The following UBE2K variants were observed in gnomAD, a reference collection of about 807,000 sequenced individuals.
The protein encoded by UBE2K is ubiquitin-conjugating enzyme E2 K.
Under a neutral mutation model 30.0 loss-of-function variants are expected in UBE2K, and 6 were observed. The ratio of observed to expected loss-of-function variants is 0.20; its 90% CI spans 0.11 to 0.39. UBE2K has a LOEUF of 0.39. Ranked by LOEUF, UBE2K falls within the 10% of genes least tolerant of loss-of-function variation. The probability of loss-of-function intolerance (pLI) is 1.00; values close to 1 mark genes in which losing one functional copy is unlikely to be tolerated. For synonymous variants in UBE2K, 86 were observed against 83.7 expected (o/e 1.03, Z -0.15); for missense variants, 61 against 241.6 (o/e 0.25, Z 4.96).
intron 1 of UBE2K, among the ~76,000 whole-genome samples, chr4:39,705,948 C>G (rs302932): frequency 0.17 from 25,176 of 146,394 alleles, 4,027 homozygotes; most frequent in African/African-American, 0.46. Context: ...CTCCCAGGTT[C>G]AACCAATACC....
At chr4:39,759,697 A>G (rs1218355240) in intron 4 of UBE2K, among the ~76,000 whole-genome samples, 1 of 152,202 alleles carries the variant, frequency 6.6e-6, no homozygotes, top group Non-Finnish European at 1.5e-5. Flanking sequence ...AGAAAATGGC[A>G]ACACATAAAA....
At chr4:39,775,046 G>A in intron 5 of UBE2K, 113 bp downstream of exon 5, 2 of 531,694 alleles carry the variant, frequency 3.8e-6, no homozygotes, top group Non-Finnish European at 3.0e-6. Flanking sequence ...ATTTTGAAAT[G>A]GTTTTCTTTC....
intron 4 of UBE2K, among the ~76,000 whole-genome samples, chr4:39,772,744 A>G (rs534123368): frequency 2.6e-5 from 4 of 151,438 alleles, no homozygotes; most frequent in Admixed American, 6.6e-5. Context: ...CTAGAGTGCA[A>G]TGGCATGATT....
At chr4:39,755,260 C>T (rs1321161463) in intron 3 of UBE2K, among the ~76,000 whole-genome samples, 1 of 152,144 alleles carries the variant, frequency 6.6e-6, no homozygotes, top group Non-Finnish European at 1.5e-5. Flanking sequence ...CTTTTTTCCT[C>T]AAACCTATTC....
At position 39,750,529 on chromosome 4, in the gene UBE2K, C is replaced by T. The variant is rs985255080; in HGVS notation, c.216+4719C>T. Among the ~76,000 whole-genome samples, 9 of 152,104 alleles carry T rather than the reference C, an allele frequency of 5.9e-5. No homozygotes were observed. The South Asian group carries it at 1.2e-3, about 21-fold the overall frequency. Reference sequence around the variant, plus strand: ...CTGAAGTTCCCAGACAACGCTACTACTAGTTTTGTATATAAAAATAAGGAG... The same window carrying T: ...CTGAAGTTCCCAGACAACGCTACTATTAGTTTTGTATATAAAAATAAGGAG... On this transcript the variant is annotated intron_variant, in intron 3 of 6. Transcript: ENST00000261427.
intron 4 of UBE2K, among the ~76,000 whole-genome samples, chr4:39,766,614 T>A (rs1712357141): frequency 6.6e-6 from 1 of 152,200 alleles, no homozygotes; most frequent in Non-Finnish European, 1.5e-5. Context: ...TCTTGCTGTG[T>A]TGCCCAAGCT....
rs374786113 is a variant in UBE2K at position 39,768,465 on chromosome 4, A to AAAT, written c.300-6369_300-6368insAAT. 2.2e-3 allele frequency among the ~76,000 whole-genome samples: 338 copies of AAAT among 150,868 alleles called. 1 individual carries two copies. The highest frequency in any genetic ancestry group is 7.9e-3 in the African/African-American group (326 of 41,062). Reference sequence around the variant, plus strand: ...TCGTTTCCAAAAAAAAAAAAAAAAAATGTAAAAAATGGTGAGTAGAAAGAC... The same window carrying AAAT: ...TCGTTTCCAAAAAAAAAAAAAAAAAAAATTGTAAAAAATGGTGAGTAGAAAGAC... On this transcript the variant is annotated intron_variant, in intron 4 of 6. Coordinates refer to ENST00000261427, the MANE Select transcript of UBE2K (RefSeq NM_005339.5).
chr4:39,709,070 C>G (rs1718532667), intron 1 of UBE2K, among the ~76,000 whole-genome samples: 1 of 151,714 alleles, frequency 6.6e-6, no homozygotes, highest in South Asian at 2.1e-4. Context: ...CCTGGCTTTT[C>G]TTCTTAAAAC....
chr4:39,725,956 T>C (rs1479382719), intron 1 of UBE2K, among the ~76,000 whole-genome samples: 1 of 151,706 alleles, frequency 6.6e-6, no homozygotes, highest in Non-Finnish European at 1.5e-5. Flanking sequence ...TTTTTTAAAA[T>C]AGTATTGTAA....
intron 4 of UBE2K, among the ~76,000 whole-genome samples, chr4:39,757,025 GTTTTTTGTTTTTTT>G (rs1711531777): frequency 1.4e-5 from 1 of 70,936 alleles, no homozygotes; most frequent in Non-Finnish European, 2.8e-5. Flanking sequence ...TTTGTTTTTT[GTTTTTTGTTTTTTT>G]TTTGAGACAG....
intron 3 of UBE2K, among the ~76,000 whole-genome samples, chr4:39,748,448 T>G (rs1249520711): frequency 6.6e-6 from 1 of 152,082 alleles, no homozygotes; most frequent in East Asian, 1.9e-4. Flanking sequence ...CTGAAGTATG[T>G]CTGATGTTTT....
intron 1 of UBE2K, among the ~76,000 whole-genome samples, chr4:39,719,495 A>G: frequency 6.6e-6 from 1 of 152,142 alleles, no homozygotes; most frequent in East Asian, 1.9e-4. Flanking sequence ...ATAGGTATCT[A>G]ATTTTGAGGA....
rs199989246 is a variant in UBE2K at position 39,704,413 on chromosome 4, T to TA, written c.63+6031dup. ...AGCAAGGAAAGCCTATAGATTGGGT[T>TA]AAAAAAAATCAAAGTCTGTGCAGGT... On this transcript the variant is annotated intron_variant, in intron 1 of 6. Transcript: ENST00000261427. 8.1e-4 allele frequency among the ~76,000 whole-genome samples: 123 copies of TA among 152,044 alleles called. 2 individuals carry two copies. The East Asian group carries it at 0.022, about 27-fold the overall frequency.
chr4:39,709,920 G>T (rs1447957910), intron 1 of UBE2K, among the ~76,000 whole-genome samples: 1 of 152,082 alleles, frequency 6.6e-6, no homozygotes, highest in Non-Finnish European at 1.5e-5. Context: ...ATCCTGTGGT[G>T]TATAATCTTG....
At chr4:39,730,801 C>A (rs1243008945) in intron 1 of UBE2K, among the ~76,000 whole-genome samples, 2 of 135,808 alleles carry the variant, frequency 1.5e-5, no homozygotes, top group Non-Finnish European at 3.1e-5. Context: ...TTGCTAGCTG[C>A]TATAGCTTCT....
intron 5 of UBE2K, 29 bp downstream of exon 5, chr4:39,774,962 TTA>T (rs1434979613): frequency 6.7e-7 from 1 of 1,497,292 alleles, no homozygotes; most frequent in East Asian, 2.3e-5. Context: ...AAAGACTTTC[TTA>T]TATTATGTAT....
At chr4:39,699,293 C>T (rs1021789585) in intron 1 of UBE2K, among the ~76,000 whole-genome samples, 1 of 152,148 alleles carries the variant, frequency 6.6e-6, no homozygotes, top group African/African-American at 2.4e-5. Context: ...TATGATGTCC[C>T]TCATAGTTAA....
Position 39,782,199 on chromosome 4 carries a change from G to A in UBE2K, c.*3765G>A. ...TCAACCATGCTGCTATATATAATCAGGTGTGGCACAGTTTGTCAGTTTGAT... is the reference window on the plus strand; with the variant it reads ...TCAACCATGCTGCTATATATAATCAAGTGTGGCACAGTTTGTCAGTTTGAT... On this transcript the variant is annotated 3_prime_UTR_variant, in exon 7 of 7. Coordinates refer to ENST00000261427, the MANE Select transcript of UBE2K (RefSeq NM_005339.5). 2.7e-6 allele frequency: 1 copy of A among 375,588 alleles called. No individual in the cohort carries two copies. The highest frequency in any genetic ancestry group is 2.1e-5 in the African/African-American group (1 of 48,202). 23.3% of individuals were successfully genotyped at this position (375,588 alleles called of 1,614,324 possible). A position where few individuals can be genotyped will look rare whatever the true frequency, so the allele number is the denominator to read the frequency against.
chr4:39,708,496 C>A (rs963977541), intron 1 of UBE2K, among the ~76,000 whole-genome samples: 1 of 151,958 alleles, frequency 6.6e-6, no homozygotes, highest in African/African-American at 2.4e-5. Flanking sequence ...GGGAATCTGC[C>A]TGCCTTTCTA....
Sources: gnomAD v4.1 joint callset for allele counts (sites outside exome capture counted in the v4.1 genomes callset) on GRCh38, gnomAD v4.1.1 for gene constraint, MANE v1.5 for transcripts, NCBI Gene and HGNC (gene_info 2026-07-23, HGNC 2026-07-21) for gene names.